The following RARB variants were observed in gnomAD, a reference collection of about 807,000 sequenced individuals.
RARB encodes HBV-activated protein.
RARB carries 17 observed loss-of-function variants against 51.9 expected under a neutral mutation model. That is an observed-to-expected ratio of 0.33 (90% CI 0.22 to 0.49). The LOEUF (loss-of-function observed/expected upper bound fraction) is 0.49, where lower values mean the gene tolerates loss of function less well. Among genes scored for constraint, RARB ranks in the 20% least tolerant of loss-of-function variants. The pLI, the probability that RARB is intolerant of heterozygous loss-of-function variation, is 0.99. For missense variants in RARB, 369 were observed against 550.8 expected (o/e 0.67, Z 3.30); for synonymous variants, 215 against 195.4 (o/e 1.10, Z -0.84).
chr3:24,883,742 T>C (rs546013093), intron 2 of RARB, among the ~76,000 whole-genome samples: 1 of 152,118 alleles, frequency 6.6e-6, no homozygotes, highest in African/African-American at 2.4e-5. Flanking sequence ...TCAAATTGGG[T>C]GTCAGATACA....
intron 5 of RARB, among the ~76,000 whole-genome samples, chr3:25,196,164 G>A (rs1377501559): frequency 1.3e-5 from 2 of 151,936 alleles, no homozygotes; most frequent in Non-Finnish European, 2.9e-5. Flanking sequence ...TTGGTGTGCT[G>A]CACCCACTAA....
chr3:25,326,903 T>C (rs1347717196), intron 5 of RARB, among the ~76,000 whole-genome samples: 3 of 152,266 alleles, frequency 2.0e-5, no homozygotes, highest in East Asian at 1.9e-4. Flanking sequence ...GTTTGTTACA[T>C]ACGTATACAT....
chr3:25,584,017 ACT>A (rs929727267), intron 5 of RARB, among the ~76,000 whole-genome samples: 2 of 151,044 alleles, frequency 1.3e-5, no homozygotes, highest in Non-Finnish European at 3.0e-5. Context: ...CTTTTCTTCC[ACT>A]CTCTCTCACC....
At chr3:25,196,597 G>C (rs538035058) in intron 5 of RARB, among the ~76,000 whole-genome samples, 1 of 151,866 alleles carries the variant, frequency 6.6e-6, no homozygotes, top group Non-Finnish European at 1.5e-5. Context: ...GTAATAGGAC[G>C]GCTGGGTCAA....
Position 24,891,719 on chromosome 3 carries a change from T to G in RARB, c.-380+32967T>G, listed in dbSNP as rs185668887. ...GACATTAAAGAACAAGACCAACTAT[T>G]TTATGGCCTGTCAGAAATCGGGAGG... On this transcript the variant is annotated intron_variant, in intron 2 of 11. Coordinates refer to the RARB transcript ENST00000383772. Among the ~76,000 whole-genome samples, 14 of 152,188 alleles carry G rather than the reference T, an allele frequency of 9.2e-5. No individual in the cohort carries two copies. The East Asian group carries it at 2.7e-3, about 29-fold the overall frequency.
At chr3:25,201,552 A>C (rs1174104567) in intron 5 of RARB, among the ~76,000 whole-genome samples, 1 of 152,158 alleles carries the variant, frequency 6.6e-6, no homozygotes. Flanking sequence ...ATTCAGTATG[A>C]TATTGGCTGT....
intron 2 of RARB, among the ~76,000 whole-genome samples, chr3:24,949,638 A>C (rs776245166): frequency 7.9e-5 from 12 of 152,214 alleles, no homozygotes; most frequent in Non-Finnish European, 1.8e-4. Context: ...AAATGTGACT[A>C]TTTTGAGGTG....
At chr3:24,946,920 G>A (rs530635157) in intron 2 of RARB, among the ~76,000 whole-genome samples, 3 of 152,268 alleles carry the variant, frequency 2.0e-5, no homozygotes, top group Admixed American at 2.0e-4. Context: ...CCACTCAAAA[G>A]ATAGGCATGA....
At chr3:25,194,502 T>G (rs1245749643) in intron 5 of RARB, among the ~76,000 whole-genome samples, 1 of 150,354 alleles carries the variant, frequency 6.7e-6, no homozygotes, top group Non-Finnish European at 1.5e-5. Flanking sequence ...TACACACACA[T>G]AGTGATATAT....
intron 1 of RARB, among the ~76,000 whole-genome samples, chr3:24,847,211 G>A (rs1199864683): frequency 6.6e-6 from 1 of 152,196 alleles, no homozygotes; most frequent in Non-Finnish European, 1.5e-5. Context: ...TTTTGACATA[G>A]CTAAAGTCTG....
chr3:25,108,529 C>T (rs1294420905), intron 3 of RARB, among the ~76,000 whole-genome samples: 1 of 152,066 alleles, frequency 6.6e-6, no homozygotes, highest in Non-Finnish European at 1.5e-5. Context: ...TCAGGAAGTG[C>T]CATACATCAC....
chr3:25,501,922 A>C (rs1379098005), intron 3 of RARB, among the ~76,000 whole-genome samples: 1 of 152,232 alleles, frequency 6.6e-6, no homozygotes, highest in Non-Finnish European at 1.5e-5. Flanking sequence ...TAAATATCTG[A>C]TGATGGGGAT....
chr3:24,915,618 C>T (rs1440866139), intron 2 of RARB, among the ~76,000 whole-genome samples: 1 of 152,110 alleles, frequency 6.6e-6, no homozygotes, highest in East Asian at 1.9e-4. Flanking sequence ...TTTTAAGCCT[C>T]TCAGAAAGGG....
intron 2 of RARB, among the ~76,000 whole-genome samples, chr3:25,468,301 G>A (rs570442696): frequency 6.6e-5 from 10 of 151,194 alleles, no homozygotes; most frequent in East Asian, 2.0e-4. Context: ...GTGTTTGTAC[G>A]TCCAAGTGTG....
intron 3 of RARB, among the ~76,000 whole-genome samples, chr3:25,076,802 A>G (rs1173164291): frequency 6.6e-6 from 1 of 152,170 alleles, no homozygotes; most frequent in Non-Finnish European, 1.5e-5. Context: ...AATCAGACCA[A>G]TTACCACATG....
intron 5 of RARB, among the ~76,000 whole-genome samples, chr3:25,383,123 C>A (rs1196008000): frequency 2.6e-5 from 4 of 152,124 alleles, no homozygotes; most frequent in Non-Finnish European, 4.4e-5. Flanking sequence ...GGATGTTATA[C>A]CTTTATATTT....
At chr3:25,012,735 T>A (rs2125280596) in intron 2 of RARB, among the ~76,000 whole-genome samples, 1 of 152,226 alleles carries the variant, frequency 6.6e-6, no homozygotes, top group Non-Finnish European at 1.5e-5. Flanking sequence ...GTGGGAAAAG[T>A]AATCTATGCA....
At chr3:25,377,319 G>A (rs1706493714) in intron 5 of RARB, among the ~76,000 whole-genome samples, 1 of 152,154 alleles carries the variant, frequency 6.6e-6, no homozygotes, top group Non-Finnish European at 1.5e-5. Context: ...ACAGTGTTCA[G>A]AACTGTGCAT....
chr3:25,282,500 T>C (rs1703549338), intron 5 of RARB, among the ~76,000 whole-genome samples: 1 of 152,212 alleles, frequency 6.6e-6, no homozygotes, highest in African/African-American at 2.4e-5. Flanking sequence ...TACAAAATAC[T>C]TAATATATAT....
Sources: gnomAD v4.1 joint callset for allele counts (sites outside exome capture counted in the v4.1 genomes callset) on GRCh38, gnomAD v4.1.1 for gene constraint, MANE v1.5 for transcripts, NCBI Gene and HGNC (gene_info 2026-07-23, HGNC 2026-07-21) for gene names.